Variants in FTO observed in about 807,000 individuals in gnomAD.
The protein encoded by FTO is alpha-ketoglutarate-dependent dioxygenase FTO.
A neutral mutation model predicts 63.9 loss-of-function variants in FTO; 47 were observed. The observed-to-expected ratio is 0.74, with a 90% CI of 0.58 to 0.94. The LOEUF is 0.94. Among genes scored for constraint, FTO ranks in the 40% least tolerant of loss-of-function variants. The pLI is 0.00. For synonymous variants in FTO, 207 were observed against 224.4 expected, an observed-to-expected ratio of 0.92 and a Z score of 0.69; for missense variants, 562 against 618.1, an observed-to-expected ratio of 0.91 and a Z score of 0.96.
intron 4 of FTO, among the ~76,000 whole-genome samples, chr16:53,860,620 A>C (rs2080144605): frequency 1.3e-5 from 2 of 152,044 alleles, no homozygotes; most frequent in South Asian, 4.2e-4. Flanking sequence ...GTGAGGGGGG[A>C]TGTGCCACAC....
At chr16:54,066,203 GT>G (rs1366177665) in intron 8 of FTO, among the ~76,000 whole-genome samples, 1 of 152,010 alleles carries the variant, frequency 6.6e-6, no homozygotes, top group Non-Finnish European at 1.5e-5. Context: ...CATATGCATT[GT>G]TTTCCTGGGT....
At chr16:53,929,907 G>A (rs1025352758) in intron 7 of FTO, among the ~76,000 whole-genome samples, 3 of 152,190 alleles carry the variant, frequency 2.0e-5, no homozygotes, top group Non-Finnish European at 4.4e-5. Context: ...AACCATTGCA[G>A]TAGGGAAGTG....
chr16:53,875,952 G>A (rs573934108), intron 5 of FTO, among the ~76,000 whole-genome samples: 1 of 152,350 alleles, frequency 6.6e-6, no homozygotes, highest in African/African-American at 2.4e-5. Context: ...GCCTCCCAAA[G>A]TGCTGGGATT....
intron 8 of FTO, among the ~76,000 whole-genome samples, chr16:54,020,926 G>A (rs1214123033): frequency 1.3e-5 from 2 of 152,030 alleles, no homozygotes; most frequent in Non-Finnish European, 2.9e-5. Context: ...AGTCAAGATG[G>A]CACCACTGTA....
intron 4 of FTO, among the ~76,000 whole-genome samples, chr16:53,851,997 G>T (rs1462104962): frequency 6.6e-6 from 1 of 150,962 alleles, no homozygotes; most frequent in Non-Finnish European, 1.5e-5. Flanking sequence ...AAGCATTCTT[G>T]GTTGTTGATC....
intron 1 of FTO, among the ~76,000 whole-genome samples, chr16:53,760,993 TTTTTC>T (rs141153345): frequency 0.31 from 47,327 of 151,376 alleles, 9,771 homozygotes; most frequent in African/African-American, 0.59. Context: ...CTCCTTTTCT[TTTTTC>T]TTTTCTTTTC....
chr16:53,784,371 A>G (rs943308739), intron 1 of FTO, among the ~76,000 whole-genome samples: 21 of 152,204 alleles, frequency 1.4e-4, no homozygotes, highest in African/African-American at 5.1e-4. Flanking sequence ...TAGCTCTTCA[A>G]CCAGATTCAG....
At chr16:54,050,654 A>G (rs1424155249) in intron 8 of FTO, among the ~76,000 whole-genome samples, 1 of 152,130 alleles carries the variant, frequency 6.6e-6, no homozygotes, top group African/African-American at 2.4e-5. Flanking sequence ...TCCTCCCTGC[A>G]TGGTATTTGT....
chr16:53,803,137 A>G (rs1334394542), intron 1 of FTO, among the ~76,000 whole-genome samples: 1 of 152,234 alleles, frequency 6.6e-6, no homozygotes, highest in African/African-American at 2.4e-5. Context: ...CAAACATTGT[A>G]AATTTTTAAC....
chr16:53,793,939 A>G (rs548106750), intron 1 of FTO, among the ~76,000 whole-genome samples: 20 of 152,354 alleles, frequency 1.3e-4, no homozygotes, highest in South Asian at 6.2e-4. Context: ...GGCATTTCAC[A>G]AAAGAGCTAC....
At chr16:53,739,267 A>G (rs890102697) in intron 1 of FTO, among the ~76,000 whole-genome samples, 3 of 151,948 alleles carry the variant, frequency 2.0e-5, no homozygotes, top group Non-Finnish European at 4.4e-5. Context: ...GTGCAATGGC[A>G]CGATGTCGGC....
At chr16:53,893,726 A>G (rs2081211377) in intron 7 of FTO, among the ~76,000 whole-genome samples, 1 of 151,896 alleles carries the variant, frequency 6.6e-6, no homozygotes, top group South Asian at 2.1e-4. Context: ...TTTCCAGAGT[A>G]AACATTTTCG....
intron 8 of FTO, among the ~76,000 whole-genome samples, chr16:54,031,592 G>A (rs1474826824): frequency 6.6e-6 from 1 of 152,134 alleles, no homozygotes; most frequent in Non-Finnish European, 1.5e-5. Context: ...TGGCATCGTT[G>A]GCTCATCAGA....
At chr16:53,842,154 A>C (rs1425591694) in intron 3 of FTO, among the ~76,000 whole-genome samples, 3 of 152,220 alleles carry the variant, frequency 2.0e-5, no homozygotes, top group Non-Finnish European at 2.9e-5. Context: ...TCTCTGTGCC[A>C]GTCACTAGGG....
At chr16:53,760,621 CTTTT>C (rs1169039527) in intron 1 of FTO, among the ~76,000 whole-genome samples, 2 of 112,038 alleles carry the variant, frequency 1.8e-5, no homozygotes, top group African/African-American at 3.2e-5. Context: ...TGCTTGCTTT[CTTTT>C]TTTTTTTTTT....
intron 2 of FTO, among the ~76,000 whole-genome samples, chr16:53,819,129 G>A (rs2078778347): frequency 6.6e-6 from 1 of 152,100 alleles, no homozygotes; most frequent in African/African-American, 2.4e-5. Flanking sequence ...TTGATAGACA[G>A]TAACTAATTT....
In FTO at chr16:54,041,723, T is replaced by C. The variant is rs74019720; in HGVS notation, c.1365-70039T>C. Among the ~76,000 whole-genome samples the C allele has an allele frequency of 5.6e-3, 850 of 152,220 alleles. 4 individuals are homozygous for C. Among genetic ancestry groups the C allele is most frequent in the African/African-American group, 0.017 (712 of 41,550 alleles). ...TTCTAGGGCCACATTAGCTAAATGG[T>C]AATTATGAAAATATCCAGGGCAAGA... On this transcript the variant is annotated intron_variant, in intron 8 of 8. Coordinates refer to ENST00000471389, the MANE Select transcript of FTO (RefSeq NM_001080432.3).
chr16:53,842,515 C>G (rs1046936635), intron 3 of FTO, among the ~76,000 whole-genome samples: 1 of 152,126 alleles, frequency 6.6e-6, no homozygotes, highest in African/African-American at 2.4e-5. Flanking sequence ...ATCTCCCACT[C>G]TTGTACCCCA....
At chr16:53,863,233 G>T (rs1445509322) in intron 4 of FTO, among the ~76,000 whole-genome samples, 1 of 152,164 alleles carries the variant, frequency 6.6e-6, no homozygotes, top group African/African-American at 2.4e-5. Context: ...TTTCAGAAAA[G>T]ACAGTTTTGA....
Sources: gnomAD v4.1 joint callset for allele counts (sites outside exome capture counted in the v4.1 genomes callset) on GRCh38, gnomAD v4.1.1 for gene constraint, MANE v1.5 for transcripts, NCBI Gene and HGNC (gene_info 2026-07-23, HGNC 2026-07-21) for gene names.